FBXL20: variants seen among roughly 807,000 people sequenced by gnomAD.
FBXL20 encodes the protein F-box and leucine rich repeat protein 20, also known as F-box/LRR-repeat protein 20.
Under a neutral mutation model 64.0 loss-of-function variants are expected in FBXL20, and 11 were observed. That is an observed-to-expected ratio of 0.17 (90% CI 0.11 to 0.28). FBXL20 has a LOEUF of 0.28. Ranked by LOEUF, FBXL20 falls within the 10% of genes least tolerant of loss-of-function variation. The pLI is 1.00. For synonymous variants in FBXL20, 184 were observed against 189.0 expected (o/e 0.97, Z 0.22); for missense variants, 303 against 526.2 (o/e 0.58, Z 4.15).
At chr17:39,312,740 A>ATT (rs71353571) in intron 2 of FBXL20, among the ~76,000 whole-genome samples, 44,167 of 139,928 alleles carry the variant, frequency 0.32, 7,740 homozygotes, top group African/African-American at 0.48. Context: ...CGCCTGGCTA[A>ATT]TTTTTTTTTT....
intron 2 of FBXL20, among the ~76,000 whole-genome samples, chr17:39,325,665 G>A (rs1229716901): frequency 6.6e-6 from 1 of 152,122 alleles, no homozygotes; most frequent in Non-Finnish European, 1.5e-5. Flanking sequence ...GTAAATTGTA[G>A]AGAGATCCAA....
chr17:39,361,151 C>T (rs1212857862), intron 1 of FBXL20, among the ~76,000 whole-genome samples: 1 of 151,976 alleles, frequency 6.6e-6, no homozygotes, highest in East Asian at 1.9e-4. Flanking sequence ...TGTTAGGGAA[C>T]AGGAGTTACA....
intron 1 of FBXL20, among the ~76,000 whole-genome samples, chr17:39,389,104 C>CAAAAAAAAAAAAAAAAAAAAAAAAAA (rs752930971): frequency 1.9e-5 from 1 of 52,696 alleles, no homozygotes. Context: ...AACTCCATCT[C>CAAAAAAAAAAAAAAAAAAAAAAAAAA]AAAAAAAAAA....
At chr17:39,287,627 A>G (rs907938049) in intron 6 of FBXL20, among the ~76,000 whole-genome samples, 1 of 152,074 alleles carries the variant, frequency 6.6e-6, no homozygotes, top group African/African-American at 2.4e-5. Flanking sequence ...CTAGTCTCGA[A>G]CTTTTGGCCT....
intron 10 of FBXL20, among the ~76,000 whole-genome samples, chr17:39,272,738 GAAAGAA>G (rs2046857501): frequency 6.8e-6 from 1 of 146,154 alleles, no homozygotes; most frequent in Non-Finnish European, 1.5e-5. Flanking sequence ...AAGAAAGAAA[GAAAGAA>G]AAAGAAAGAA....
chr17:39,276,221 G>GAAA (rs1215336803), intron 9 of FBXL20, among the ~76,000 whole-genome samples: 70 of 60,566 alleles, frequency 1.2e-3, no homozygotes, highest in East Asian at 4.1e-3. Flanking sequence ...AGCAAGAAAA[G>GAAA]AAAAAAAAAA....
chr17:39,368,020 C>T (rs1027940968), intron 1 of FBXL20, among the ~76,000 whole-genome samples: 9 of 152,094 alleles, frequency 5.9e-5, no homozygotes, highest in Admixed American at 2.0e-4. Flanking sequence ...TCCAGTGATC[C>T]GCTGGACTCA....
At chr17:39,270,945 A>G (rs2046838376) in intron 10 of FBXL20, 89 bp from the exon 11 acceptor site, 1 of 1,043,240 alleles carries the variant, frequency 9.6e-7, no homozygotes, top group African/African-American at 1.6e-5. Flanking sequence ...TACAAAAACA[A>G]TCTTCTATTC....
rs531699374 is a variant in FBXL20 at position 39,389,458 on chromosome 17, G to A, written c.42+11903C>T. 1.1e-4 allele frequency among the ~76,000 whole-genome samples: 17 copies of A among 152,208 alleles called. No homozygotes were observed. The South Asian group carries it at 3.3e-3, about 30-fold the overall frequency. On this transcript the variant is annotated intron_variant, in intron 1 of 14. Coordinates refer to ENST00000264658, the MANE Select transcript of FBXL20 (RefSeq NM_032875.3). ...AAAGGGTATTGGCAATGCAGTGCTC[G>A]TTTTAAAAAATAAATGCAGGCCAAG...
Position 39,252,686 on chromosome 17 carries a change from A to G in FBXL20, c.*8774T>C, listed in dbSNP as rs2046660585. On this transcript the variant is annotated 3_prime_UTR_variant, in exon 15 of 15. Transcript: ENST00000264658. ...TCTTCACAGCTTACTTTCTTTAATT[A>G]CATCATAAAACAAAATTAGAACATA... 1 of 152,112 alleles carries G rather than the reference A, an allele frequency of 6.6e-6. No individual in the cohort carries two copies. The highest frequency in any genetic ancestry group is 6.6e-5 in the Admixed American group (1 of 15,250). 9.4% of individuals were successfully genotyped at this position (152,112 alleles called of 1,614,324 possible).
intron 1 of FBXL20, among the ~76,000 whole-genome samples, chr17:39,350,466 G>T (rs541319609): frequency 8.1e-4 from 120 of 148,692 alleles, no homozygotes; most frequent in African/African-American, 2.8e-3. Context: ...TCCAGCCTGG[G>T]CAACAGAGCT....
chr17:39,319,426 C>T (rs1198136724), intron 2 of FBXL20, among the ~76,000 whole-genome samples: 3 of 152,126 alleles, frequency 2.0e-5, no homozygotes, highest in African/African-American at 7.2e-5. Flanking sequence ...GTGGCTCACG[C>T]CTGTAATCCC....
intron 1 of FBXL20, among the ~76,000 whole-genome samples, chr17:39,371,889 G>A (rs907397886): frequency 1.3e-4 from 20 of 152,120 alleles, no homozygotes; most frequent in African/African-American, 4.8e-4. Context: ...AAAGGAGAAA[G>A]TACTGAGAGG....
chr17:39,337,986 A>T (rs1320275414), intron 2 of FBXL20, among the ~76,000 whole-genome samples: 2 of 133,842 alleles, frequency 1.5e-5, no homozygotes, highest in Non-Finnish European at 3.3e-5. Context: ...GGCCGCCCCT[A>T]CTGGGAAGTG....
At chr17:39,334,668 C>G (rs1377737598) in intron 2 of FBXL20, among the ~76,000 whole-genome samples, 1 of 152,028 alleles carries the variant, frequency 6.6e-6, no homozygotes, top group Non-Finnish European at 1.5e-5. Flanking sequence ...AAAAAAATTT[C>G]ATATTCTTAT....
At chr17:39,343,325 T>A in intron 1 of FBXL20, 84 bp from the exon 2 acceptor site, 1 of 946,708 alleles carries the variant, frequency 1.1e-6, no homozygotes, top group African/African-American at 1.7e-5. Flanking sequence ...GGCAATTCTC[T>A]CAGGAAAGAG....
At chr17:39,268,994 G>A in intron 11 of FBXL20, 123 bp from the exon 12 acceptor site, 2 of 849,642 alleles carry the variant, frequency 2.4e-6, no homozygotes, top group East Asian at 2.5e-5. Context: ...GTGTTTCAGA[G>A]CTAGTGTCAT....
At chr17:39,265,844 G>A (rs1339398639) in intron 12 of FBXL20, among the ~76,000 whole-genome samples, 1 of 151,952 alleles carries the variant, frequency 6.6e-6, no homozygotes, top group Non-Finnish European at 1.5e-5. Flanking sequence ...CCAGGCTCAA[G>A]CCATCTTCCA....
rs2046667317 is a variant in FBXL20, at chr17:39,253,336, G to A, written c.*8124C>T. ...AAGGTGAGCAGAGCAGCTGAGAAGT[G>A]CACATGGTAGGTTACCTGGAAACAA... On this transcript the variant is annotated 3_prime_UTR_variant, in exon 15 of 15. Transcript: ENST00000264658. 1 of 152,510 alleles carries A rather than the reference G, an allele frequency of 6.6e-6. No homozygotes were observed. The allele number at this position is 152,510 out of a possible 1,614,324, so 9.4% of individuals were successfully genotyped here. A position where few individuals can be genotyped will look rare whatever the true frequency, so the allele number is the denominator to read the frequency against.
Sources: gnomAD v4.1 joint callset for allele counts (sites outside exome capture counted in the v4.1 genomes callset) on GRCh38, gnomAD v4.1.1 for gene constraint, MANE v1.5 for transcripts, NCBI Gene and HGNC (gene_info 2026-07-23, HGNC 2026-07-21) for gene names.